Variants in C2CD5 observed in about 807,000 individuals in gnomAD.
The protein encoded by C2CD5 is C2 calcium dependent domain containing 5.
A neutral mutation model predicts 130.3 loss-of-function variants in C2CD5; 109 were observed. The observed-to-expected ratio is 0.84, with a 90% CI of 0.72 to 0.98. The LOEUF is 0.98. Ranked by LOEUF, C2CD5 falls within the 50% of genes least tolerant of loss-of-function variation. The pLI, the probability that C2CD5 is intolerant of heterozygous loss-of-function variation, is 0.00. For missense variants in C2CD5, 996 were observed against 1,261.8 expected (o/e 0.79, Z 3.19); for synonymous variants, 454 against 429.2 (o/e 1.06, Z -0.71).
chr12:22,515,219 G>T, intron 8 of C2CD5: 1 of 629,918 alleles, frequency 1.6e-6, no homozygotes, highest in Non-Finnish European at 2.0e-6. Flanking sequence ...GCTAAGGAAA[G>T]CAATGATGAG....
chr12:22,477,510 T>C (rs1269440509), intron 15 of C2CD5, among the ~76,000 whole-genome samples: 1 of 151,664 alleles, frequency 6.6e-6, no homozygotes, highest in South Asian at 2.1e-4. Context: ...TATACTTTCT[T>C]TTTTTATTTT....
chr12:22,482,348 T>C (rs926288448), intron 14 of C2CD5, among the ~76,000 whole-genome samples: 2 of 152,306 alleles, frequency 1.3e-5, no homozygotes, highest in African/African-American at 4.8e-5. Flanking sequence ...TTTTTAGAAA[T>C]AGAATTATTA....
At chr12:22,465,261 G>A (rs1391428022) in intron 22 of C2CD5, among the ~76,000 whole-genome samples, 1 of 150,914 alleles carries the variant, frequency 6.6e-6, no homozygotes. Context: ...AACAAGGTGG[G>A]TATTAAAAAA....
In C2CD5 at chr12:22,474,889, C is replaced by T. The variant is rs1048624030; in HGVS notation, c.1905G>A (p.Glu635=). ...NKELYEINPP[E]ISEEIIGSPI... is the part of the protein sequence containing the mutation. ...GTGATCCTATAATCTCTTCAGATAT[C>T]TCCTAAAAGAAATATAATTGTTTTA... The change falls in exon 16 of 27, where the codon GAG becomes GAA. Residue 635 remains glutamate, a splice_region_variant and synonymous_variant. Coordinates refer to ENST00000446597, the MANE Select transcript of C2CD5 (RefSeq NM_001286176.2). 2 of 1,560,930 alleles carry T rather than the reference C, an allele frequency of 1.3e-6. No homozygotes were observed. Among genetic ancestry groups the T allele is most frequent in the African/African-American group, 2.8e-5 (2 of 72,360 alleles).
chr12:22,503,438 G>A (rs114919035), intron 10 of C2CD5, among the ~76,000 whole-genome samples: 72 of 152,280 alleles, frequency 4.7e-4, no homozygotes, highest in African/African-American at 1.6e-3. Context: ...GAGGCCTGGA[G>A]ATCAGTAAAT....
intron 10 of C2CD5, among the ~76,000 whole-genome samples, chr12:22,506,432 T>C (rs184158198): frequency 6.6e-6 from 1 of 152,234 alleles, no homozygotes; most frequent in Non-Finnish European, 1.5e-5. Flanking sequence ...TTTATAAAAA[T>C]GTTTATCTCC....
chr12:22,533,352 G>A (rs1395703686), intron 3 of C2CD5, among the ~76,000 whole-genome samples: 1 of 152,204 alleles, frequency 6.6e-6, no homozygotes, highest in Admixed American at 6.5e-5. Flanking sequence ...GTTAACACAT[G>A]TAAAGCACTT....
Position 22,518,012 on chromosome 12 carries a change from G to T in C2CD5, c.926C>A (p.Thr309Lys), listed in dbSNP as rs1265830175. Reference protein sequence around the residue: ...SYSRQSSSSDTDLSLTPKTGM... With the variant: ...SYSRQSSSSDKDLSLTPKTGM... Reference sequence around the variant, plus strand: ...AGTTTTGGGTGTCAAACTCAAATCTGTGTCAGAAGAAGAGGACTGTCGACT... The same window carrying T: ...AGTTTTGGGTGTCAAACTCAAATCTTTGTCAGAAGAAGAGGACTGTCGACT... The change falls in exon 8 of 27, where the codon ACA (threonine) becomes AAA (lysine). Residue 309 changes from threonine (T) to lysine (K), a missense_variant. This residue lies in a region of C2CD5 where 156 missense variants were observed against 165.9 expected (regional missense o/e 0.94). Coordinates refer to ENST00000446597, the MANE Select transcript of C2CD5 (RefSeq NM_001286176.2). 6.2e-7 allele frequency: 1 copy of T among 1,613,480 alleles called. No individual in the cohort carries two copies. Among genetic ancestry groups the T allele is most frequent in the Non-Finnish European group, 8.5e-7 (1 of 1,179,722 alleles).
chr12:22,530,099 TATATATATATATACAC>T (rs1318256934), intron 3 of C2CD5, among the ~76,000 whole-genome samples: 14 of 113,340 alleles, frequency 1.2e-4, no homozygotes, highest in South Asian at 8.4e-4. Context: ...TATATATATA[TATATATATATATACAC>T]ACACACACAC....
At chr12:22,525,495 T>C in intron 5 of C2CD5, 115 bp downstream of exon 5, 1 of 711,980 alleles carries the variant, frequency 1.4e-6, no homozygotes, top group Non-Finnish European at 2.5e-6. Context: ...ATTTTCTCTT[T>C]GGCATTAAAA....
chr12:22,537,467 A>G (rs761646893), intron 2 of C2CD5, among the ~76,000 whole-genome samples: 2 of 152,186 alleles, frequency 1.3e-5, no homozygotes, highest in Non-Finnish European at 2.9e-5. Flanking sequence ...ACATTGGATG[A>G]TTTCCACTCT....
chr12:22,515,061 G>A (rs1188718227), intron 8 of C2CD5: 18 of 984,998 alleles, frequency 1.8e-5, no homozygotes, highest in Middle Eastern at 5.2e-4. Flanking sequence ...TCCGAGAGGA[G>A]GAGACAGGAC....
At chr12:22,529,452 G>A (rs1459188157) in intron 3 of C2CD5, among the ~76,000 whole-genome samples, 1 of 151,860 alleles carries the variant, frequency 6.6e-6, no homozygotes, top group African/African-American at 2.4e-5. Flanking sequence ...GTACACTAAG[G>A]TATCCCTTCC....
intron 9 of C2CD5, chr12:22,512,608 T>C: frequency 7.5e-7 from 1 of 1,338,856 alleles, no homozygotes; most frequent in Non-Finnish European, 1.0e-6. Context: ...AAGCTATCAA[T>C]ACAAGAAATA....
At chr12:22,486,576 GTTATT>G (rs1945555499) in intron 12 of C2CD5, among the ~76,000 whole-genome samples, 1 of 151,970 alleles carries the variant, frequency 6.6e-6, no homozygotes, top group Non-Finnish European at 1.5e-5. Flanking sequence ...GTGCATTTAG[GTTATT>G]TTATTTTCCT....
intron 12 of C2CD5, among the ~76,000 whole-genome samples, chr12:22,488,228 G>A (rs941115818): frequency 6.6e-6 from 1 of 151,742 alleles, no homozygotes; most frequent in African/African-American, 2.4e-5. Flanking sequence ...AACAAATGAG[G>A]ATAAGAATTT....
At chr12:22,474,725 A>G in intron 16 of C2CD5, 26 bp downstream of exon 16, 1 of 1,540,084 alleles carries the variant, frequency 6.5e-7, no homozygotes, top group Non-Finnish European at 8.7e-7. Flanking sequence ...CAAAACCTTT[A>G]AGAAATTAGT....
chr12:22,472,014 G>T lies in C2CD5; in HGVS notation c.2221C>A (p.Gln741Lys). ...IRLSSLNLTNQALNKNFNDLC... is the reference protein window; with the variant it reads ...IRLSSLNLTNKALNKNFNDLC... ...TCATTAAAGTTCTTATTGAGAGCTT[G>T]ATTAGTCAGGTTGAGGCTGCTTAAT... is the stretch of plus-strand genomic sequence containing the variant. Residue 741 changes from glutamine to lysine, a missense_variant, in exon 19 of 27, where the codon CAA (glutamine) becomes AAA (lysine). This residue lies in a region of C2CD5 where 590 missense variants were observed against 631.4 expected (regional missense o/e 0.93). Transcript: ENST00000446597. 6.2e-7 allele frequency: 1 copy of T among 1,610,100 alleles called. No individual in the cohort carries two copies. The highest frequency in any genetic ancestry group is 1.1e-5 in the South Asian group (1 of 90,876).
chr12:22,498,431 T>C (rs995681688), intron 10 of C2CD5, among the ~76,000 whole-genome samples: 3 of 152,176 alleles, frequency 2.0e-5, no homozygotes, highest in Non-Finnish European at 4.4e-5. Context: ...CAGACTGATC[T>C]GTACATTCTA....
Sources: gnomAD v4.1 joint callset for allele counts (sites outside exome capture counted in the v4.1 genomes callset) on GRCh38, gnomAD v4.1.1 for gene constraint, gnomAD v4.1.1 regional missense constraint, MANE v1.5 for transcripts, NCBI Gene and HGNC (gene_info 2026-07-23, HGNC 2026-07-21) for gene names.